The following THSD4 variants were observed in gnomAD, a reference collection of about 807,000 sequenced individuals.
The protein encoded by THSD4 is thrombospondin type-1 domain-containing protein 4.
In THSD4, 69 loss-of-function variants were observed where a neutral mutation model predicts 119.0. The ratio of observed to expected loss-of-function variants is 0.58; its 90% CI spans 0.48 to 0.71. THSD4 has a LOEUF of 0.71. THSD4 is among the 30% of genes least tolerant of loss of function. THSD4 has a pLI of 0.00. For missense variants in THSD4, 1,393 were observed against 1,391.1 expected (o/e 1.00, Z -0.02); for synonymous variants, 524 against 540.4 (o/e 0.97, Z 0.42).
intron 4 of THSD4, among the ~76,000 whole-genome samples, chr15:71,229,598 A>G (rs1408396562): frequency 1.3e-5 from 2 of 152,338 alleles, no homozygotes; most frequent in Admixed American, 1.3e-4. Context: ...TATTGAGGCA[A>G]CCATCCATTT....
intron 6 of THSD4, among the ~76,000 whole-genome samples, chr15:71,406,075 G>A (rs538470854): frequency 7.9e-5 from 12 of 151,606 alleles, no homozygotes; most frequent in African/African-American, 1.7e-4. Flanking sequence ...CATGAGCACC[G>A]TCCCTGGCCC....
intron 6 of THSD4, among the ~76,000 whole-genome samples, chr15:71,395,914 G>GACACACACACACACACAC (rs58433075): frequency 5.2e-4 from 69 of 133,376 alleles, no homozygotes; most frequent in African/African-American, 1.9e-3. Flanking sequence ...TTTGAAGAGA[G>GACACACACACACACACAC]ACACACACAC....
intron 6 of THSD4, among the ~76,000 whole-genome samples, chr15:71,386,016 C>T (rs60208662): frequency 1.4e-3 from 211 of 152,248 alleles, no homozygotes; most frequent in African/African-American, 5.0e-3. Flanking sequence ...AAGTAGCTAG[C>T]GGACCAACAG....
intron 6 of THSD4, among the ~76,000 whole-genome samples, chr15:71,349,642 G>T (rs187819409): frequency 7.5e-4 from 114 of 152,306 alleles, no homozygotes; most frequent in Middle Eastern, 3.4e-3. Context: ...CACTCTCACA[G>T]GTTAAAAGTG....
At chr15:71,751,936 G>A (rs907325154) in intron 14 of THSD4, among the ~76,000 whole-genome samples, 1 of 152,166 alleles carries the variant, frequency 6.6e-6, no homozygotes, top group Non-Finnish European at 1.5e-5. Flanking sequence ...AATAGTGGGG[G>A]CGTGGAATCA....
intron 7 of THSD4, among the ~76,000 whole-genome samples, chr15:71,549,325 T>G (rs760710943): frequency 5.9e-5 from 9 of 152,146 alleles, no homozygotes; most frequent in Non-Finnish European, 1.3e-4. Context: ...CTTTTCTTTC[T>G]TGCTTTCCCT....
At chr15:71,679,021 A>G (rs1342051510) in intron 8 of THSD4, among the ~76,000 whole-genome samples, 2 of 152,184 alleles carry the variant, frequency 1.3e-5, no homozygotes, top group East Asian at 1.9e-4. Context: ...TAAAGAAAAC[A>G]TTGCTCTTTG....
chr15:71,218,733 T>C (rs1232355355), intron 4 of THSD4, among the ~76,000 whole-genome samples: 3 of 152,176 alleles, frequency 2.0e-5, no homozygotes, highest in Non-Finnish European at 4.4e-5. Context: ...TGTCAGCATA[T>C]TTTCAGGATG....
intron 7 of THSD4, among the ~76,000 whole-genome samples, chr15:71,519,686 C>G (rs910332386): frequency 6.6e-6 from 1 of 152,204 alleles, no homozygotes; most frequent in East Asian, 1.9e-4. Flanking sequence ...AAAGATAACT[C>G]TGGTTTCTAT....
intron 3 of THSD4, among the ~76,000 whole-genome samples, chr15:71,156,652 C>A (rs188946364): frequency 6.6e-6 from 1 of 152,274 alleles, no homozygotes; most frequent in Admixed American, 6.5e-5. Flanking sequence ...CATGACCCTT[C>A]TTGGGAGCAG....
intron 7 of THSD4, among the ~76,000 whole-genome samples, chr15:71,574,026 C>T (rs1324304246): frequency 6.6e-6 from 1 of 152,134 alleles, no homozygotes; most frequent in Non-Finnish European, 1.5e-5. Flanking sequence ...ACTGAAGAGG[C>T]GAAACCATAA....
At chr15:71,525,758 T>A (rs1233197352) in intron 7 of THSD4, among the ~76,000 whole-genome samples, 3 of 152,172 alleles carry the variant, frequency 2.0e-5, no homozygotes, top group African/African-American at 7.2e-5. Flanking sequence ...GGAGATACAT[T>A]CTTTGCATCT....
intron 7 of THSD4, among the ~76,000 whole-genome samples, chr15:71,578,783 T>G (rs1365720252): frequency 6.6e-6 from 1 of 152,012 alleles, no homozygotes; most frequent in Non-Finnish European, 1.5e-5. Flanking sequence ...ACTGTTTTAA[T>G]GATATTTGGT....
chr15:71,133,610 A>G (rs558426748), intron 1 of THSD4, among the ~76,000 whole-genome samples: 1 of 152,188 alleles, frequency 6.6e-6, no homozygotes, highest in Non-Finnish European at 1.5e-5. Flanking sequence ...GCTGTAAATC[A>G]AGCAACGAAG....
At chr15:71,442,579 A>AAAAAAATATATAT (rs1195413080) in intron 7 of THSD4, among the ~76,000 whole-genome samples, 15 of 39,864 alleles carry the variant, frequency 3.8e-4, no homozygotes, top group African/African-American at 7.3e-4. Context: ...AAAAAAAAAA[A>AAAAAAATATATAT]ATATATATAT....
At chr15:71,150,872 A>C (rs1567138855) in intron 2 of THSD4, among the ~76,000 whole-genome samples, 1 of 152,248 alleles carries the variant, frequency 6.6e-6, no homozygotes, top group Non-Finnish European at 1.5e-5. Context: ...AGGGGTCACC[A>C]AGATGGTGAA....
At chr15:71,395,822 C>CA (rs2046444120) in intron 6 of THSD4, among the ~76,000 whole-genome samples, 1 of 151,868 alleles carries the variant, frequency 6.6e-6, no homozygotes, top group South Asian at 2.1e-4. Context: ...CATACCAGAA[C>CA]ATTCTTTTGC....
At chr15:71,515,032 A>G (rs994330565) in intron 7 of THSD4, among the ~76,000 whole-genome samples, 6 of 152,172 alleles carry the variant, frequency 3.9e-5, no homozygotes, top group Admixed American at 6.5e-5. Context: ...GTATTTCCTC[A>G]AGGAAAACTC....
chr15:71,669,792 G>A (rs1330597806), intron 8 of THSD4, among the ~76,000 whole-genome samples: 1 of 152,182 alleles, frequency 6.6e-6, no homozygotes, highest in African/African-American at 2.4e-5. Flanking sequence ...GCTGCAGTCA[G>A]GCAGGTTTCC....
Sources: allele counts gnomAD v4.1 joint callset (sites outside exome capture counted in the v4.1 genomes callset), GRCh38; gene constraint gnomAD v4.1.1; transcripts MANE v1.5; gene names NCBI Gene and HGNC (gene_info 2026-07-23, HGNC 2026-07-21).